Variants in UGGT2 observed in about 807,000 individuals in gnomAD.
UGGT2 encodes the protein UDP-glucose glycoprotein glucosyltransferase 2.
UGGT2 carries 180 observed loss-of-function variants against 192.1 expected under a neutral mutation model. The ratio of observed to expected loss-of-function variants is 0.94; its 90% CI spans 0.83 to 1.06. The LOEUF (loss-of-function observed/expected upper bound fraction) is 1.06. Ranked by LOEUF, UGGT2 falls within the 50% of genes least tolerant of loss-of-function variation. The pLI is 0.00. For synonymous variants in UGGT2, 580 were observed against 591.0 expected (o/e 0.98, Z 0.27); for missense variants, 1,849 against 1,795.7 (o/e 1.03, Z -0.54).
chr13:95,972,593 A>C lies in UGGT2; in HGVS notation c.1171T>G (p.Tyr391Asp). 3 of 1,612,678 alleles carry C rather than the reference A, an allele frequency of 1.9e-6. No individual in the cohort carries two copies. Among genetic ancestry groups the C allele is most frequent in the Non-Finnish European group, 2.5e-6 (3 of 1,179,126 alleles). The change falls in exon 11 of 39, where the codon TAT (tyrosine) becomes GAT (aspartate). Residue 391 changes from tyrosine (Y) to aspartate (D), a missense_variant. Transcript: ENST00000376747. ...INGLRVDMDV[Y>D]DAFSILDMLK... is the part of the protein sequence containing the mutation. Reference sequence around the variant, plus strand: ...TTTAATACTTACCTAAAAGCGTCATAAACATCCATATCAACACGAAGGCCA... The same window carrying C: ...TTTAATACTTACCTAAAAGCGTCATCAACATCCATATCAACACGAAGGCCA...
At chr13:95,869,622 G>C (rs1193740697) in intron 29 of UGGT2, among the ~76,000 whole-genome samples, 1 of 152,094 alleles carries the variant, frequency 6.6e-6, no homozygotes, top group Admixed American at 6.6e-5. Context: ...TATTATCCTA[G>C]ATCCAAATTG....
At chr13:95,822,337 T>C (rs1377629841) in intron 38 of UGGT2, among the ~76,000 whole-genome samples, 1 of 152,062 alleles carries the variant, frequency 6.6e-6, no homozygotes, top group African/African-American at 2.4e-5. Context: ...ATTTGTGTCT[T>C]AGCTTGGTCA....
intron 26 of UGGT2, chr13:95,887,158 T>C (rs2047668162): frequency 6.0e-6 from 2 of 332,586 alleles, no homozygotes; most frequent in Non-Finnish European, 1.2e-5. Context: ...AACAGAATGC[T>C]ACCTGTCTTG....
intron 29 of UGGT2, among the ~76,000 whole-genome samples, chr13:95,874,432 T>C (rs1566620779): frequency 6.6e-6 from 1 of 152,180 alleles, no homozygotes; most frequent in Non-Finnish European, 1.5e-5. Context: ...TGACAGTTGA[T>C]CTCATAACTG....
At chr13:95,874,995 T>A (rs1435127470) in intron 29 of UGGT2, among the ~76,000 whole-genome samples, 1 of 152,146 alleles carries the variant, frequency 6.6e-6, no homozygotes, top group Non-Finnish European at 1.5e-5. Flanking sequence ...CTAGCCTAAG[T>A]GTAAATTTAA....
chr13:95,974,657 T>G (rs1462659004), intron 10 of UGGT2, among the ~76,000 whole-genome samples: 2 of 152,182 alleles, frequency 1.3e-5, no homozygotes, highest in African/African-American at 4.8e-5. Flanking sequence ...CCTGAAAAAC[T>G]AGTGTATATT....
chr13:95,909,775 ATAAT>A (rs1157827078), intron 20 of UGGT2, among the ~76,000 whole-genome samples: 3 of 143,876 alleles, frequency 2.1e-5, no homozygotes, highest in African/African-American at 2.6e-5. Flanking sequence ...AATAATAATA[ATAAT>A]AAAAAAGATT....
intron 17 of UGGT2, among the ~76,000 whole-genome samples, chr13:95,931,046 G>A (rs1476587296): frequency 1.3e-5 from 2 of 152,130 alleles, no homozygotes; most frequent in African/African-American, 4.8e-5. Context: ...CCCTTATCTG[G>A]CCCCACCCAC....
At chr13:95,978,045 A>G (rs1018844634) in intron 10 of UGGT2, among the ~76,000 whole-genome samples, 9 of 152,082 alleles carry the variant, frequency 5.9e-5, no homozygotes, top group Non-Finnish European at 4.4e-5. Context: ...AAGGGGAGAG[A>G]GAGCATTAGG....
rs138562336 is a variant in UGGT2, at chr13:95,823,123, T to C, written c.4528+9804A>G. On this transcript the variant is annotated intron_variant, in intron 38 of 38. Coordinates refer to ENST00000376747, the MANE Select transcript of UGGT2 (RefSeq NM_020121.4). ...TACAGTTCCTTTGGGAGCTGATTTC[T>C]AATTTTATTCCACTGTTGTCTGAGA... Among the ~76,000 whole-genome samples the C allele has an allele frequency of 1.3e-3, 202 of 152,240 alleles. 1 individual carries two copies. Among genetic ancestry groups the C allele is most frequent in the African/African-American group, 3.6e-3 (148 of 41,572 alleles).
intron 24 of UGGT2, among the ~76,000 whole-genome samples, chr13:95,893,865 T>C (rs549053917): frequency 6.6e-6 from 1 of 152,326 alleles, no homozygotes; most frequent in Admixed American, 6.5e-5. Context: ...ATTTCCATCC[T>C]ACCACAGGAG....
intron 22 of UGGT2, among the ~76,000 whole-genome samples, chr13:95,897,739 T>A (rs2047987271): frequency 6.6e-6 from 1 of 152,218 alleles, no homozygotes; most frequent in Non-Finnish European, 1.5e-5. Context: ...TTTTCCAATA[T>A]ACTTTTCTAT....
intron 1 of UGGT2, among the ~76,000 whole-genome samples, chr13:96,037,997 T>C (rs561225049): frequency 3.3e-5 from 5 of 152,352 alleles, no homozygotes; most frequent in South Asian, 4.1e-4. Flanking sequence ...ATAAAAGGTA[T>C]AGAGAGAAAG....
At chr13:95,894,754 C>A in intron 23 of UGGT2, 97 bp from the exon 24 acceptor site, 1 of 1,012,416 alleles carries the variant, frequency 9.9e-7, no homozygotes, top group Non-Finnish European at 1.5e-6. Flanking sequence ...TATATCTGAA[C>A]ATGGTTAAAT....
chr13:95,820,820 G>A (rs1885434245), intron 38 of UGGT2, among the ~76,000 whole-genome samples: 1 of 151,918 alleles, frequency 6.6e-6, no homozygotes, highest in African/African-American at 2.4e-5. Flanking sequence ...TGTCCTCACA[G>A]TTTAGCTCTC....
At position 95,801,922 on chromosome 13, in the gene UGGT2, T is replaced by G. The variant is rs1884075768; in HGVS notation, c.4529-110A>C. 3.1e-6 allele frequency: 4 copies of G among 1,276,544 alleles called. No homozygotes were observed. In the African/African-American group the frequency reaches 4.5e-5, roughly 14 times the overall value. 79.1% of individuals were successfully genotyped at this position (1,276,544 alleles called of 1,614,324 possible). A position where few individuals can be genotyped will look rare whatever the true frequency, so the allele number is the denominator to read the frequency against. ...CCGGTACTGACTGAGGATCCTTTAT[T>G]TGCTAGTTCAGTACCTATATGCTTC... On this transcript the variant is annotated intron_variant, in intron 38 of 38. Coordinates refer to ENST00000376747, the MANE Select transcript of UGGT2 (RefSeq NM_020121.4).
chr13:95,983,256 T>A (rs998586346), intron 10 of UGGT2, among the ~76,000 whole-genome samples: 8 of 152,172 alleles, frequency 5.3e-5, no homozygotes, highest in African/African-American at 1.9e-4. Context: ...CTCCTAGTGT[T>A]TAGGGCCCTG....
intron 13 of UGGT2, 137 bp from the exon 14 acceptor site, chr13:95,948,218 T>TACACACACACACACACACACACACAC (rs149949392): frequency 3.2e-6 from 1 of 311,116 alleles, no homozygotes. Flanking sequence ...TTCTAAGGAA[T>TACACACACACACACACACACACACAC]ACACACACAC....
intron 36 of UGGT2, among the ~76,000 whole-genome samples, chr13:95,850,538 T>C (rs1310799117): frequency 6.6e-6 from 1 of 152,180 alleles, no homozygotes; most frequent in Non-Finnish European, 1.5e-5. Context: ...GCTACTCCAA[T>C]GACACAATGG....
Sources: allele counts gnomAD v4.1 joint callset (sites outside exome capture counted in the v4.1 genomes callset), GRCh38; gene constraint gnomAD v4.1.1; transcripts MANE v1.5; gene names NCBI Gene and HGNC (gene_info 2026-07-23, HGNC 2026-07-21).